The following PTBP2 variants were observed in gnomAD, a reference collection of about 807,000 sequenced individuals.
The protein encoded by PTBP2 is polypyrimidine tract-binding protein 2.
A neutral mutation model predicts 61.4 loss-of-function variants in PTBP2; 13 were observed. That is an observed-to-expected ratio of 0.21 (90% CI 0.14 to 0.34). PTBP2 has a LOEUF of 0.34. Ranked by LOEUF, PTBP2 falls within the 10% of genes least tolerant of loss-of-function variation. PTBP2 has a pLI of 1.00. For synonymous variants in PTBP2, 215 were observed against 218.5 expected (o/e 0.98, Z 0.14); for missense variants, 405 against 642.6 (o/e 0.63, Z 4.00).
chr1:96,771,013 T>G (rs1275648942), intron 5 of PTBP2, 162 bp downstream of exon 5: 3 of 555,612 alleles, frequency 5.4e-6, no homozygotes, highest in South Asian at 2.9e-5. Context: ...TATTAAATAC[T>G]ATGTCATTTT....
chr1:96,769,684 GT>G lies in PTBP2; in HGVS notation c.116-13del. Reference sequence around the variant, plus strand: ...CTTTTATTGTTGATATATAAGGACTGTTTTTTAATGTCTTTCAGCCAATGGT... The same window carrying G: ...CTTTTATTGTTGATATATAAGGACTGTTTTTAATGTCTTTCAGCCAATGGT... On this transcript the variant is annotated intron_variant, in intron 3 of 13. Coordinates refer to ENST00000674951, the MANE Select transcript of PTBP2 (RefSeq NM_021190.4). The G allele has an allele frequency of 6.6e-7, 1 of 1,519,662 alleles. No homozygotes were observed. 94.1% of individuals were successfully genotyped at this position (1,519,662 alleles called of 1,614,324 possible).
At chr1:96,797,417 TAAG>T (rs1363467340) in intron 8 of PTBP2, among the ~76,000 whole-genome samples, 2 of 152,124 alleles carry the variant, frequency 1.3e-5, no homozygotes, top group Non-Finnish European at 2.9e-5. Context: ...TAGGGCAAAA[TAAG>T]AACTCAAGGG....
intron 7 of PTBP2, among the ~76,000 whole-genome samples, chr1:96,784,104 A>G (rs948973068): frequency 3.3e-5 from 5 of 152,110 alleles, no homozygotes; most frequent in Non-Finnish European, 7.4e-5. Flanking sequence ...ATAACACGAC[A>G]TGTTTATTCT....
intron 8 of PTBP2, 84 bp from the exon 9 acceptor site, chr1:96,804,716 T>C (rs1453043772): frequency 7.4e-7 from 1 of 1,348,472 alleles, no homozygotes; most frequent in Admixed American, 2.1e-5. Flanking sequence ...CATGCAGCCA[T>C]CGTGCTTAAA....
intron 2 of PTBP2, among the ~76,000 whole-genome samples, chr1:96,730,502 C>T (rs12738081): frequency 0.29 from 44,378 of 151,854 alleles, 7,213 homozygotes; most frequent in East Asian, 0.44. Flanking sequence ...TGGAGTTTTC[C>T]ATATATCTTT....
At chr1:96,760,163 A>G (rs1439007030) in intron 3 of PTBP2, among the ~76,000 whole-genome samples, 1 of 151,188 alleles carries the variant, frequency 6.6e-6, no homozygotes, top group African/African-American at 2.5e-5. Context: ...CTTGTATCCC[A>G]AAGGACTTGT....
intron 8 of PTBP2, among the ~76,000 whole-genome samples, chr1:96,790,000 T>G (rs969268912): frequency 1.3e-5 from 2 of 152,160 alleles, no homozygotes; most frequent in Non-Finnish European, 2.9e-5. Context: ...AAAGTTTGAT[T>G]TGTTCAGAAC....
At chr1:96,767,007 G>A (rs1656807561) in intron 3 of PTBP2, among the ~76,000 whole-genome samples, 1 of 152,088 alleles carries the variant, frequency 6.6e-6, no homozygotes, top group African/African-American at 2.4e-5. Flanking sequence ...GGGTTGATAG[G>A]TCATAATGAT....
chr1:96,722,657 G>A (rs568638566), intron 1 of PTBP2, among the ~76,000 whole-genome samples: 1 of 152,350 alleles, frequency 6.6e-6, no homozygotes, highest in Non-Finnish European at 1.5e-5. Flanking sequence ...AAGGCCAACA[G>A]CAATGGCAGA....
Position 96,721,827 on chromosome 1 carries a change from G to C in PTBP2, c.-38G>C. The C allele has an allele frequency of 6.4e-7, 1 of 1,556,734 alleles. No homozygotes were observed. Among genetic ancestry groups the C allele is most frequent in the Non-Finnish European group, 8.7e-7 (1 of 1,150,034 alleles). On this transcript the variant is annotated 5_prime_UTR_variant, in exon 1 of 14. Transcript: ENST00000674951. The stretch of plus-strand genomic sequence containing the variant: ...GCTTGTGTGGCTCGCTGGCTGCGTG[G>C]CTCGGTTCTTGTGAGCGAAGCTTTG...
intron 8 of PTBP2, among the ~76,000 whole-genome samples, chr1:96,787,051 C>T (rs1371845813): frequency 6.6e-6 from 1 of 152,128 alleles, no homozygotes; most frequent in Non-Finnish European, 1.5e-5. Flanking sequence ...GATGGAATCT[C>T]ACTCTGTCGC....
intron 3 of PTBP2, among the ~76,000 whole-genome samples, chr1:96,763,534 T>C (rs995181348): frequency 1.1e-4 from 16 of 144,162 alleles, no homozygotes; most frequent in Non-Finnish European, 7.6e-5. Flanking sequence ...AGCAGTACAG[T>C]CCAGCTTCGG....
intron 8 of PTBP2, among the ~76,000 whole-genome samples, chr1:96,785,819 A>T (rs1300243630): frequency 5.9e-5 from 9 of 152,186 alleles, no homozygotes; most frequent in Non-Finnish European, 1.3e-4. Flanking sequence ...ATTTTGTCTT[A>T]ATCATTTATA....
At chr1:96,743,796 CTTTT>C (rs1004961679) in intron 2 of PTBP2, among the ~76,000 whole-genome samples, 1 of 151,890 alleles carries the variant, frequency 6.6e-6, no homozygotes, top group African/African-American at 2.4e-5. Context: ...AATCATTCTT[CTTTT>C]TTTTAAATTT....
intron 5 of PTBP2, among the ~76,000 whole-genome samples, chr1:96,771,739 TTTTTAACAAATAATTGTTTATAC>T: frequency 6.6e-6 from 1 of 152,306 alleles, no homozygotes; most frequent in South Asian, 2.1e-4. Flanking sequence ...TTTTAACTTA[TTTTTAACAAATAATTGTTTATAC>T]TTATGGTGTA....
intron 3 of PTBP2, among the ~76,000 whole-genome samples, chr1:96,756,540 C>G (rs1224757388): frequency 1.3e-5 from 2 of 152,094 alleles, no homozygotes; most frequent in African/African-American, 4.8e-5. Context: ...TCATAGCAAC[C>G]AAGAAGTCCT....
downstream of PTBP2, chr1:96,815,160 T>C (rs1249816543): frequency 6.6e-6 from 1 of 151,250 alleles, no homozygotes; most frequent in Non-Finnish European, 1.5e-5. Flanking sequence ...TAACTTTTAT[T>C]GTAGCTTGTT....
intron 8 of PTBP2, among the ~76,000 whole-genome samples, chr1:96,791,262 G>C (rs1204248395): frequency 1.3e-5 from 2 of 152,212 alleles, no homozygotes; most frequent in Non-Finnish European, 2.9e-5. Flanking sequence ...TAGTATTGCA[G>C]TAGTGAGGTA....
chr1:96,802,518 G>A (rs4282865), intron 8 of PTBP2, among the ~76,000 whole-genome samples: 28 of 152,116 alleles, frequency 1.8e-4, no homozygotes, highest in Non-Finnish European at 2.9e-4. Flanking sequence ...TGGGCCCTTA[G>A]AATTACTTCT....
Sources: allele counts gnomAD v4.1 joint callset (sites outside exome capture counted in the v4.1 genomes callset), GRCh38; gene constraint gnomAD v4.1.1; transcripts MANE v1.5; gene names NCBI Gene and HGNC (gene_info 2026-07-23, HGNC 2026-07-21).